Variants in ARNT2 observed in about 807,000 individuals in gnomAD.
ARNT2 encodes the protein aryl hydrocarbon receptor nuclear translocator 2.
In ARNT2, 36 loss-of-function variants were observed where a neutral mutation model predicts 91.7. That is an observed-to-expected ratio of 0.39 (90% CI 0.30 to 0.52). ARNT2 has a LOEUF of 0.52. Ranked by LOEUF, ARNT2 falls within the 20% of genes least tolerant of loss-of-function variation. ARNT2 has a pLI of 0.72. For missense variants in ARNT2, 775 were observed against 939.3 expected (o/e 0.83, Z 2.29); for synonymous variants, 365 against 347.1 (o/e 1.05, Z -0.57).
chr15:80,561,360 T>G (rs1898346179), intron 11 of ARNT2, among the ~76,000 whole-genome samples: 1 of 152,144 alleles, frequency 6.6e-6, no homozygotes, highest in African/African-American at 2.4e-5. Context: ...CTGCTCACTG[T>G]ATTTTGTGCC....
At chr15:80,468,372 G>T (rs116197657) in intron 3 of ARNT2, among the ~76,000 whole-genome samples, 1 of 151,430 alleles carries the variant, frequency 6.6e-6, no homozygotes, top group East Asian at 1.9e-4. Flanking sequence ...TGCCATGCAC[G>T]ACAGCTTTCC....
chr15:80,516,313 G>T (rs1215991111), intron 8 of ARNT2, among the ~76,000 whole-genome samples: 1 of 152,158 alleles, frequency 6.6e-6, no homozygotes, highest in Admixed American at 6.5e-5. Flanking sequence ...TATAAGAGTG[G>T]ATTTTCCTGT....
Position 80,440,271 on chromosome 15 carries a change from T to G in ARNT2, c.32-10609T>G, listed in dbSNP as rs62006383. On this transcript the variant is annotated intron_variant, in intron 1 of 18. Transcript: ENST00000303329. ...GGATGTCTCATTGCAGTTAGACCTG[T>G]GGGGTCATCTCGCACAGAGTGGGGC... 6.6e-3 allele frequency among the ~76,000 whole-genome samples: 1,007 copies of G among 152,292 alleles called. 4 individuals are homozygous for G. Among genetic ancestry groups the G allele is most frequent in the Non-Finnish European group, 0.012 (793 of 68,022 alleles).
At chr15:80,560,276 G>A (rs146060496) in intron 11 of ARNT2, 1 of 152,478 alleles carries the variant, frequency 6.6e-6, no homozygotes, top group Non-Finnish European at 1.5e-5. Context: ...ATTGGCAGTA[G>A]GGATTTATGC....
At chr15:80,560,630 T>C (rs546039049) in intron 11 of ARNT2, among the ~76,000 whole-genome samples, 2 of 152,240 alleles carry the variant, frequency 1.3e-5, no homozygotes, top group Non-Finnish European at 2.9e-5. Context: ...CCGCCCTTCC[T>C]GTGCTTCCTC....
At chr15:80,461,473 G>A (rs1465628945) in intron 3 of ARNT2, among the ~76,000 whole-genome samples, 1 of 152,216 alleles carries the variant, frequency 6.6e-6, no homozygotes, top group African/African-American at 2.4e-5. Flanking sequence ...TCAAAGAATA[G>A]TTCTGATTTT....
At chr15:80,434,599 A>G (rs1293200430) in intron 1 of ARNT2, 1 of 152,476 alleles carries the variant, frequency 6.6e-6, no homozygotes, top group African/African-American at 2.4e-5. Context: ...CATTAGTAGG[A>G]CTCAGAGATG....
intron 1 of ARNT2, among the ~76,000 whole-genome samples, chr15:80,423,093 C>G (rs188537651): frequency 6.6e-6 from 1 of 152,298 alleles, no homozygotes; most frequent in East Asian, 1.9e-4. Flanking sequence ...TGACTTCAGG[C>G]AGGTTCTTAG....
intron 5 of ARNT2, among the ~76,000 whole-genome samples, chr15:80,495,694 C>G (rs947633491): frequency 1.4e-4 from 21 of 152,184 alleles, no homozygotes; most frequent in African/African-American, 4.8e-5. Context: ...TTTGCTCATG[C>G]CTTCCTAGGG....
At chr15:80,517,078 C>A (rs1383372871) in intron 8 of ARNT2, among the ~76,000 whole-genome samples, 2 of 151,514 alleles carry the variant, frequency 1.3e-5, no homozygotes, top group Non-Finnish European at 2.9e-5. Flanking sequence ...TTATTTATTC[C>A]TTCTCTGATG....
chr15:80,584,215 G>A lies in ARNT2; in HGVS notation c.1918+2811G>A, dbSNP rs1898850784. On this transcript the variant is annotated intron_variant, in intron 17 of 18. Coordinates refer to ENST00000303329, the MANE Select transcript of ARNT2 (RefSeq NM_014862.4). ...GTGATGAGTACACTGCTGGAGGAAG[G>A]CTCCCAGTGCAGGCAGAGGGGACCC... 5.3e-5 allele frequency among the ~76,000 whole-genome samples: 8 copies of A among 152,320 alleles called. No homozygotes were observed. In the South Asian group the frequency reaches 1.7e-3, roughly 32 times the overall value.
chr15:80,534,652 C>G (rs1262350836), intron 8 of ARNT2, among the ~76,000 whole-genome samples: 1 of 152,162 alleles, frequency 6.6e-6, no homozygotes, highest in Admixed American at 6.5e-5. Flanking sequence ...TTAATTCATT[C>G]TACCTTGTTC....
chr15:80,588,979 T>A lies in ARNT2; in HGVS notation c.1919-2589T>A, dbSNP rs77262300. Among the ~76,000 whole-genome samples the A allele has an allele frequency of 3.6e-3, 544 of 152,234 alleles. 4 individuals are homozygous for A. Among genetic ancestry groups the A allele is most frequent in the African/African-American group, 0.012 (516 of 41,550 alleles). On this transcript the variant is annotated intron_variant, in intron 17 of 18. Transcript: ENST00000303329. ...ATGGAGCCCACGTCAGAGCAGGAGC[T>A]CAGGAAATATTTGCCAAGTGAATAA...
At chr15:80,560,161 T>C (rs1188066457) in intron 11 of ARNT2, 1 of 152,268 alleles carries the variant, frequency 6.6e-6, no homozygotes, top group Non-Finnish European at 1.5e-5. Flanking sequence ...CATTTCATCT[T>C]GTGTTTCTGT....
At chr15:80,465,060 G>A (rs1308763013) in intron 3 of ARNT2, among the ~76,000 whole-genome samples, 6 of 152,236 alleles carry the variant, frequency 3.9e-5, no homozygotes, top group Non-Finnish European at 8.8e-5. Flanking sequence ...AGTAGGGGAA[G>A]ACGGGGATTG....
At chr15:80,458,486 G>T (rs906925001) in intron 3 of ARNT2, among the ~76,000 whole-genome samples, 1 of 151,994 alleles carries the variant, frequency 6.6e-6, no homozygotes. Context: ...TAGAAAACTG[G>T]GTTTTCAGCT....
intron 11 of ARNT2, among the ~76,000 whole-genome samples, chr15:80,562,487 G>A (rs1157566268): frequency 6.6e-6 from 1 of 152,094 alleles, no homozygotes; most frequent in Non-Finnish European, 1.5e-5. Flanking sequence ...GGCTCTTTCT[G>A]AAGCAATACA....
chr15:80,502,657 C>T (rs1897217103), intron 5 of ARNT2, among the ~76,000 whole-genome samples: 1 of 152,110 alleles, frequency 6.6e-6, no homozygotes, highest in South Asian at 2.1e-4. Flanking sequence ...AGCCTTCTCT[C>T]CAGAGGGCAT....
rs971750854 is a variant in ARNT2, at chr15:80,441,719, G to A, written c.32-9161G>A. 7.9e-5 allele frequency among the ~76,000 whole-genome samples: 12 copies of A among 152,036 alleles called. No individual in the cohort carries two copies. In the East Asian group the frequency reaches 1.2e-3, roughly 15 times the overall value. On this transcript the variant is annotated intron_variant, in intron 1 of 18. Coordinates refer to ENST00000303329, the MANE Select transcript of ARNT2 (RefSeq NM_014862.4). ...CTCTCAAGTTCCACGTTTTTTCCAGGTTTTCGCTGCCTACACTGTATTATA... is the reference window on the plus strand; with the variant it reads ...CTCTCAAGTTCCACGTTTTTTCCAGATTTTCGCTGCCTACACTGTATTATA...
Sources: gnomAD v4.1 joint callset for allele counts (sites outside exome capture counted in the v4.1 genomes callset) on GRCh38, gnomAD v4.1.1 for gene constraint, MANE v1.5 for transcripts, NCBI Gene and HGNC (gene_info 2026-07-23, HGNC 2026-07-21) for gene names.